Variants in TNS1 observed in about 807,000 individuals in gnomAD.
The protein encoded by TNS1 is tensin 1.
A neutral mutation model predicts 168.6 loss-of-function variants in TNS1; 62 were observed. The ratio of observed to expected loss-of-function variants is 0.37; its 90% CI spans 0.30 to 0.45. The LOEUF (loss-of-function observed/expected upper bound fraction) is 0.45. Among genes scored for constraint, TNS1 ranks in the 20% least tolerant of loss-of-function variants. TNS1 has a pLI of 1.00. For synonymous variants in TNS1, 934 were observed against 933.2 expected, an observed-to-expected ratio of 1.00 and a Z score of -0.02; for missense variants, 2,240 against 2,339.4, an observed-to-expected ratio of 0.96 and a Z score of 0.88.
In TNS1 at chr2:217,935,811, G is replaced by T. The variant is rs536747443; in HGVS notation, c.187-15575C>A. Among the ~76,000 whole-genome samples, 16 of 152,310 alleles carry T rather than the reference G, an allele frequency of 1.1e-4. 1 individual carries two copies. The highest frequency in any genetic ancestry group is 1.0e-3 in the Admixed American group (16 of 15,304). On this transcript the variant is annotated intron_variant, in intron 3 of 32. Coordinates refer to ENST00000682258, the MANE Select transcript of TNS1 (RefSeq NM_001387777.1). Reference sequence around the variant, plus strand: ...GCCAGACCCGCTCTATTTGTTTCCTGCATTTTACAGGTGAGCAAAGGGAAG... The same window carrying T: ...GCCAGACCCGCTCTATTTGTTTCCTTCATTTTACAGGTGAGCAAAGGGAAG...
intron 18 of TNS1, among the ~76,000 whole-genome samples, chr2:217,868,489 G>C (rs1949484937): frequency 6.6e-6 from 1 of 152,236 alleles, no homozygotes. Context: ...CAAGAACTGG[G>C]ATGGTTGAAG....
chr2:217,804,713 C>A, intron 32 of TNS1, 110 bp from the exon 33 acceptor site: 1 of 1,407,264 alleles, frequency 7.1e-7, no homozygotes, highest in Non-Finnish European at 9.7e-7. Flanking sequence ...TCTTCCCCAT[C>A]CCTCCAGCAG....
intron 3 of TNS1, among the ~76,000 whole-genome samples, chr2:217,922,778 C>T (rs1005841690): frequency 4.6e-5 from 7 of 152,142 alleles, no homozygotes; most frequent in African/African-American, 1.7e-4. Context: ...TGCGGGGGAG[C>T]TGTCAAGCCC....
At chr2:217,909,207 G>A (rs1299596492) in intron 4 of TNS1, among the ~76,000 whole-genome samples, 1 of 152,028 alleles carries the variant, frequency 6.6e-6, no homozygotes, top group East Asian at 1.9e-4. Flanking sequence ...CTGAGGTTGG[G>A]CAGAACAGCC....
chr2:217,865,264 A>C (rs539375689), intron 18 of TNS1, among the ~76,000 whole-genome samples: 1 of 152,306 alleles, frequency 6.6e-6, no homozygotes, highest in East Asian at 1.9e-4. Context: ...TTCCTTCCCC[A>C]AATAAGCCCA....
rs201945730 is a variant in TNS1, at chr2:217,849,937, G to C, written c.1430-850C>G. 4.1e-6 allele frequency: 4 copies of C among 985,284 alleles called. No individual in the cohort carries two copies. In the East Asian group the frequency reaches 4.5e-4, roughly 112 times the overall value. 61.0% of individuals were successfully genotyped at this position (985,284 alleles called of 1,614,324 possible). On this transcript the variant is annotated intron_variant, in intron 18 of 32. Transcript: ENST00000682258. Reference sequence around the variant, plus strand: ...GACAAGCTTGCCCTCAGCTAGATTTGTCTCCAGCTCAATGCAAAGGATGTG... The same window carrying C: ...GACAAGCTTGCCCTCAGCTAGATTTCTCTCCAGCTCAATGCAAAGGATGTG...
intron 1 of TNS1, among the ~76,000 whole-genome samples, chr2:218,022,291 C>T (rs1041728222): frequency 8.5e-5 from 13 of 152,094 alleles, no homozygotes; most frequent in Non-Finnish European, 1.5e-4. Flanking sequence ...GAGTCAATGT[C>T]CTGGCCCCTA....
intron 22 of TNS1, chr2:217,829,921 G>T (rs1944173294): frequency 6.2e-7 from 1 of 1,611,554 alleles, no homozygotes; most frequent in Non-Finnish European, 8.5e-7. Flanking sequence ...GGAAGGAGAG[G>T]CAGGAAAGAA....
At chr2:217,950,447 G>A (rs935360650) in intron 3 of TNS1, among the ~76,000 whole-genome samples, 1 of 152,078 alleles carries the variant, frequency 6.6e-6, no homozygotes. Context: ...CAGGCCTGTG[G>A]GCCCTGGTCA....
chr2:217,857,814 T>TA (rs1321896381), intron 18 of TNS1, among the ~76,000 whole-genome samples: 2 of 152,068 alleles, frequency 1.3e-5, no homozygotes, highest in Non-Finnish European at 2.9e-5. Context: ...AGCCTGGCAC[T>TA]CCCACCCCTA....
At chr2:217,927,888 C>T (rs770793948) in intron 3 of TNS1, among the ~76,000 whole-genome samples, 11 of 152,318 alleles carry the variant, frequency 7.2e-5, no homozygotes, top group Non-Finnish European at 1.3e-4. Context: ...GATACCAGAG[C>T]GGTCCAGAAA....
At chr2:217,896,885 C>T (rs892140802) in intron 8 of TNS1, among the ~76,000 whole-genome samples, 2 of 152,184 alleles carry the variant, frequency 1.3e-5, no homozygotes, top group African/African-American at 4.8e-5. Flanking sequence ...ATACCTAATA[C>T]AATATAAACG....
chr2:217,946,675 G>A (rs2125962248), intron 3 of TNS1, among the ~76,000 whole-genome samples: 1 of 152,142 alleles, frequency 6.6e-6, no homozygotes, highest in Admixed American at 6.5e-5. Context: ...CGACCTGGAA[G>A]ACCCCTCCTC....
chr2:217,814,334 A>G (rs1389296214), intron 25 of TNS1, among the ~76,000 whole-genome samples: 1 of 152,020 alleles, frequency 6.6e-6, no homozygotes, highest in African/African-American at 2.4e-5. Flanking sequence ...TACTCTGTAA[A>G]TGGCCGGAGA....
At chr2:217,959,807 G>A (rs1022341225) in intron 3 of TNS1, among the ~76,000 whole-genome samples, 66 of 150,834 alleles carry the variant, frequency 4.4e-4, no homozygotes, top group Non-Finnish European at 4.3e-4. Flanking sequence ...GCAGCTGGAC[G>A]CCTCTGTGGG....
chr2:217,852,682 G>A (rs1053341215), intron 18 of TNS1, among the ~76,000 whole-genome samples: 2 of 152,152 alleles, frequency 1.3e-5, no homozygotes, highest in African/African-American at 2.4e-5. Context: ...ACTCAGCATC[G>A]ATTTTGAAAA....
chr2:217,971,661 G>A (rs912381301), intron 3 of TNS1, among the ~76,000 whole-genome samples: 1 of 152,210 alleles, frequency 6.6e-6, no homozygotes, highest in Non-Finnish European at 1.5e-5. Flanking sequence ...TGTTTCTAGA[G>A]CAGCTGTACC....
At chr2:217,823,613 C>G (rs903046573) in intron 22 of TNS1, among the ~76,000 whole-genome samples, 1 of 152,136 alleles carries the variant, frequency 6.6e-6, no homozygotes, top group African/African-American at 2.4e-5. Context: ...AGCACAGGAC[C>G]CTTTACAGAG....
chr2:217,881,124 C>A, intron 17 of TNS1, 110 bp from the exon 18 acceptor site: 4 of 735,792 alleles, frequency 5.4e-6, no homozygotes, highest in Non-Finnish European at 9.2e-6. Flanking sequence ...AAAGAGGCTC[C>A]CTGAGGGACT....
Sources: gnomAD v4.1 joint callset for allele counts (sites outside exome capture counted in the v4.1 genomes callset) on GRCh38, gnomAD v4.1.1 for gene constraint, MANE v1.5 for transcripts, NCBI Gene and HGNC (gene_info 2026-07-23, HGNC 2026-07-21) for gene names.